Variants in ARHGAP35 observed in about 807,000 individuals in gnomAD.
ARHGAP35 encodes the protein Rho GTPase activating protein 35, also known as rho GTPase-activating protein 35.
A neutral mutation model predicts 111.1 loss-of-function variants in ARHGAP35; 15 were observed. The ratio of observed to expected loss-of-function variants is 0.13; its 90% CI spans 0.09 to 0.21. The LOEUF (loss-of-function observed/expected upper bound fraction) is 0.21. Among genes scored for constraint, ARHGAP35 ranks in the 10% least tolerant of loss-of-function variants. The pLI is 1.00. For synonymous variants in ARHGAP35, 643 were observed against 710.3 expected (o/e 0.91, Z 1.51); for missense variants, 1,262 against 1,873.0 (o/e 0.67, Z 6.02).
chr19:46,981,120 G>T (rs962736063), intron 3 of ARHGAP35, among the ~76,000 whole-genome samples: 1 of 152,162 alleles, frequency 6.6e-6, no homozygotes, highest in Non-Finnish European at 1.5e-5. Context: ...CACAGAGGTC[G>T]GTCCTCTTCA....
chr19:46,948,686 C>A (rs1184871706), intron 3 of ARHGAP35: 3 of 152,144 alleles, frequency 2.0e-5, no homozygotes, highest in Admixed American at 1.3e-4. Flanking sequence ...ACCGCGGTTC[C>A]CTTTCTAGAA....
Position 46,989,481 on chromosome 19 carries a change from G to A in ARHGAP35, c.3905-63G>A. The A allele has an allele frequency of 6.2e-7, 1 of 1,603,304 alleles. No homozygotes were observed. Among genetic ancestry groups the A allele is most frequent in the Non-Finnish European group, 8.5e-7 (1 of 1,173,018 alleles). ...TTCTCTAGCCTCTCCTGAGCCCCGA[G>A]TTGTCCTGATGCTTCTGCCTGGCTT... On this transcript the variant is annotated intron_variant, in intron 4 of 6. Transcript: ENST00000672722. This position sits in a 1 kb window ranked among gnomAD's most constrained non-coding sequence, Gnocchi z 5.3.
intron 1 of ARHGAP35, among the ~76,000 whole-genome samples, chr19:46,907,482 G>T (rs1422730619): frequency 6.9e-5 from 10 of 145,668 alleles, no homozygotes; most frequent in Admixed American, 2.7e-4. Context: ...TTCTTTTTTT[G>T]TTTGTTTGTT....
chr19:46,902,789 GAAC>G lies in ARHGAP35; in HGVS notation c.-188-15693_-188-15691del, dbSNP rs1380572347. ...CAGTAGAGGAATATTTACATTCAAG[GAAC>G]AACAAGTTATCACAAAACTCCCCCC... On this transcript the variant is annotated intron_variant, in intron 1 of 6. Coordinates refer to ENST00000672722, the MANE Select transcript of ARHGAP35 (RefSeq NM_004491.5). Among the ~76,000 whole-genome samples the G allele has an allele frequency of 6.6e-5, 10 of 152,030 alleles. No individual in the cohort carries two copies. The South Asian group carries it at 1.7e-3, about 25-fold the overall frequency.
chr19:46,878,956 A>T (rs2055942078), intron 1 of ARHGAP35, among the ~76,000 whole-genome samples: 1 of 152,154 alleles, frequency 6.6e-6, no homozygotes, highest in African/African-American at 2.4e-5. Flanking sequence ...ACATTCATTG[A>T]TTCTTCCTTT....
Position 47,003,237 on chromosome 19 carries a change from C to A in ARHGAP35, c.*2549C>A, listed in dbSNP as rs2056757740. 6.6e-6 allele frequency: 1 copy of A among 152,322 alleles called. No homozygotes were observed. The highest frequency in any genetic ancestry group is 2.4e-5 in the African/African-American group (1 of 41,450). The allele number at this position is 152,322 out of a possible 1,614,324, so 9.4% of individuals were successfully genotyped here. ...TTGCATGGGAGCCACAGAGGAGCGT[C>A]CCTGGGGATTGTTGGGACCATGCTG... On this transcript the variant is annotated 3_prime_UTR_variant, in exon 7 of 7. Transcript: ENST00000672722.
In ARHGAP35 at chr19:46,999,265, G is replaced by T; in HGVS notation, c.4037-39G>T. Reference sequence around the variant, plus strand: ...ACGCCCTGGGGTGGCCACCAGCCTCGGCCATGAAAGGCAAGGCTTTGGTTT... The same window carrying T: ...ACGCCCTGGGGTGGCCACCAGCCTCTGCCATGAAAGGCAAGGCTTTGGTTT... On this transcript the variant is annotated intron_variant, in intron 5 of 6. Transcript: ENST00000672722. The surrounding 1 kb of genome is among the most constrained non-coding windows in gnomAD (Gnocchi z 5.4). The T allele has an allele frequency of 1.3e-6, 2 of 1,481,762 alleles. No homozygotes were observed. Among genetic ancestry groups the T allele is most frequent in the South Asian group, 1.2e-5 (1 of 82,522 alleles). The allele number at this position is 1,481,762 out of a possible 1,614,324, so 91.8% of individuals were successfully genotyped here. A position where few individuals can be genotyped will look rare whatever the true frequency, so the allele number is the denominator to read the frequency against.
intron 1 of ARHGAP35, among the ~76,000 whole-genome samples, chr19:46,872,971 C>T (rs2055895753): frequency 6.6e-6 from 1 of 152,012 alleles, no homozygotes; most frequent in South Asian, 2.1e-4. Flanking sequence ...AATGTTATCT[C>T]ATTTTCTCCT....
chr19:46,878,886 T>C (rs1239326410), intron 1 of ARHGAP35, among the ~76,000 whole-genome samples: 2 of 152,194 alleles, frequency 1.3e-5, no homozygotes, highest in African/African-American at 2.4e-5. Context: ...ATGGTGGTGG[T>C]TACTGAAGGT....
At chr19:46,944,693 C>T (rs1192943373) in intron 3 of ARHGAP35, among the ~76,000 whole-genome samples, 1 of 152,178 alleles carries the variant, frequency 6.6e-6, no homozygotes, top group Admixed American at 6.5e-5. Context: ...TGACTGGCAT[C>T]TCCCAGCCCC....
intron 1 of ARHGAP35, among the ~76,000 whole-genome samples, chr19:46,912,759 A>G (rs979745401): frequency 2.6e-5 from 4 of 152,130 alleles, no homozygotes; most frequent in Non-Finnish European, 2.9e-5. Flanking sequence ...TGACATGGAA[A>G]GTGCTTCCTA....
chr19:46,927,326 T>G (rs1245688977), intron 2 of ARHGAP35, among the ~76,000 whole-genome samples: 1 of 152,194 alleles, frequency 6.6e-6, no homozygotes, highest in Non-Finnish European at 1.5e-5. Flanking sequence ...TTTAAACATG[T>G]ACTTGCATGC....
At chr19:46,896,803 G>C (rs551292238) in intron 1 of ARHGAP35, among the ~76,000 whole-genome samples, 1 of 152,218 alleles carries the variant, frequency 6.6e-6, no homozygotes, top group Non-Finnish European at 1.5e-5. Flanking sequence ...AATATGGATT[G>C]TAGGGCATGA....
At chr19:46,880,266 C>T (rs184814393) in intron 1 of ARHGAP35, among the ~76,000 whole-genome samples, 2 of 151,802 alleles carry the variant, frequency 1.3e-5, no homozygotes, top group Admixed American at 1.3e-4. Context: ...AACCCCCTCT[C>T]TACTAAAAAT....
intron 2 of ARHGAP35, among the ~76,000 whole-genome samples, chr19:46,933,858 A>C (rs911828433): frequency 2.0e-5 from 3 of 152,204 alleles, no homozygotes; most frequent in Non-Finnish European, 2.9e-5. Context: ...CACAGAAACT[A>C]CTCAGTTGAT....
At chr19:46,939,372 CATTTATTTATTTATTT>C (rs60855006) in intron 3 of ARHGAP35, among the ~76,000 whole-genome samples, 1,695 of 145,384 alleles carry the variant, frequency 0.012, 29 homozygotes, top group African/African-American at 0.039. Flanking sequence ...TGCACCTTTA[CATTTATTTATTTATTT>C]ATTTATTTAT....
chr19:46,908,189 T>A lies in ARHGAP35; in HGVS notation c.-188-10299T>A, dbSNP rs180757542. ...GAACTTTTTTCCTAGTGAGAAGTTT[T>A]AAAAAAAAATTAGTAGAGTATAACT... On this transcript the variant is annotated intron_variant, in intron 1 of 6. Coordinates refer to ENST00000672722, the MANE Select transcript of ARHGAP35 (RefSeq NM_004491.5). The surrounding 1 kb of genome is among the most constrained non-coding windows in gnomAD (Gnocchi z 4.2). 8.3e-3 allele frequency among the ~76,000 whole-genome samples: 1,259 copies of A among 151,988 alleles called. 9 individuals carry two copies. Among genetic ancestry groups the A allele is most frequent in the Non-Finnish European group, 0.014 (920 of 67,936 alleles).
intron 3 of ARHGAP35, among the ~76,000 whole-genome samples, chr19:46,951,309 G>C (rs2056411656): frequency 6.6e-6 from 1 of 152,192 alleles, no homozygotes; most frequent in Non-Finnish European, 1.5e-5. Flanking sequence ...CCAGGACAGG[G>C]GGCGGGGATG....
chr19:46,967,299 T>C (rs570113961), intron 3 of ARHGAP35, among the ~76,000 whole-genome samples: 2 of 152,244 alleles, frequency 1.3e-5, no homozygotes, highest in African/African-American at 4.8e-5. Context: ...TGCGGGAAGG[T>C]AGGGTTTGAA....
Sources: allele counts gnomAD v4.1 joint callset (sites outside exome capture counted in the v4.1 genomes callset), GRCh38; gene constraint gnomAD v4.1.1; non-coding constraint Gnocchi (gnomAD v3.1); transcripts MANE v1.5; gene names NCBI Gene and HGNC (gene_info 2026-07-23, HGNC 2026-07-21).